JADE1: variants seen among roughly 807,000 people sequenced by gnomAD.
The protein encoded by JADE1 is jade family PHD finger 1.
JADE1 carries 14 observed loss-of-function variants against 81.8 expected under a neutral mutation model. That is an observed-to-expected ratio of 0.17 (90% CI 0.11 to 0.27). The LOEUF is 0.27. Among genes scored for constraint, JADE1 ranks in the 10% least tolerant of loss-of-function variants. The pLI is 1.00. For missense variants in JADE1, 690 were observed against 1,047.9 expected, an observed-to-expected ratio of 0.66 and a Z score of 4.71; for synonymous variants, 353 against 391.9, an observed-to-expected ratio of 0.90 and a Z score of 1.17.
intron 1 of JADE1, among the ~76,000 whole-genome samples, chr4:128,818,486 G>T (rs1215042523): frequency 6.6e-6 from 1 of 152,256 alleles, no homozygotes; most frequent in Admixed American, 6.5e-5. Flanking sequence ...TCGGTTGCTT[G>T]TCCAGCACCT....
At chr4:128,840,483 G>GCTTCT (rs559324601) in intron 2 of JADE1, among the ~76,000 whole-genome samples, 185 of 152,062 alleles carry the variant, frequency 1.2e-3, no homozygotes, top group Non-Finnish European at 2.3e-3. Context: ...TTTTTGTTCT[G>GCTTCT]CTTCTCTTCC....
rs1732292830 is a variant in JADE1 at position 128,872,834 on chromosome 4, A to G, written c.*572A>G. 4.5e-6 allele frequency: 2 copies of G among 449,286 alleles called. No individual in the cohort carries two copies. Among genetic ancestry groups the G allele is most frequent in the Non-Finnish European group, 9.0e-6 (2 of 222,538 alleles). The allele number at this position is 449,286 out of a possible 1,614,324, so 27.8% of individuals were successfully genotyped here. On this transcript the variant is annotated 3_prime_UTR_variant, in exon 11 of 11. Coordinates refer to ENST00000226319, the MANE Select transcript of JADE1 (RefSeq NM_199320.4). ...TGTGTAAATATAGCAGTCAGGGAAG[A>G]GAATTTTAAAAAAGGTCATTATTGA...
At chr4:128,844,426 A>G (rs181882230) in intron 3 of JADE1, among the ~76,000 whole-genome samples, 8 of 152,292 alleles carry the variant, frequency 5.3e-5, no homozygotes, top group Admixed American at 5.2e-4. Flanking sequence ...TCCAGAGTTG[A>G]CGTCCATTTG....
chr4:128,848,037 C>G (rs114161293), intron 4 of JADE1, among the ~76,000 whole-genome samples: 1 of 152,022 alleles, frequency 6.6e-6, no homozygotes, highest in East Asian at 1.9e-4. Flanking sequence ...TGTTAAAGGT[C>G]GGGAGAGATT....
intron 5 of JADE1, among the ~76,000 whole-genome samples, chr4:128,849,891 T>A (rs1437167184): frequency 6.6e-6 from 1 of 152,164 alleles, no homozygotes; most frequent in East Asian, 1.9e-4. Context: ...TGGAGTCAAG[T>A]CTGGGCTCAG....
chr4:128,861,664 A>C, intron 8 of JADE1, 40 bp from the exon 9 acceptor site: 1 of 1,598,342 alleles, frequency 6.3e-7, no homozygotes, highest in Non-Finnish European at 8.5e-7. Context: ...TCATTGCTCT[A>C]TAATGGTCTA....
At chr4:128,832,150 A>G (rs1362167663) in intron 2 of JADE1, among the ~76,000 whole-genome samples, 3 of 152,224 alleles carry the variant, frequency 2.0e-5, no homozygotes, top group Admixed American at 6.5e-5. Flanking sequence ...AATCAAAGCC[A>G]GGTAATCATT....
intron 9 of JADE1, chr4:128,863,484 T>G: frequency 6.1e-6 from 6 of 985,468 alleles, no homozygotes; most frequent in Non-Finnish European, 7.2e-6. Context: ...CTGTTAGAGA[T>G]GGCGTAGAAG....
chr4:128,862,298 A>G (rs766278417), intron 9 of JADE1, 73 bp downstream of exon 9: 30 of 1,591,640 alleles, frequency 1.9e-5, no homozygotes, highest in African/African-American at 2.7e-5. Flanking sequence ...CGCCCAGAGC[A>G]AGAAATGATA....
intron 8 of JADE1, among the ~76,000 whole-genome samples, chr4:128,859,560 T>C (rs11937309): frequency 0.75 from 113,700 of 151,606 alleles, 44,306 homozygotes; most frequent in South Asian, 0.91. Flanking sequence ...TATGTGTATG[T>C]GTGTGAGTAT....
intron 2 of JADE1, among the ~76,000 whole-genome samples, chr4:128,842,218 C>G (rs1177599992): frequency 6.6e-6 from 1 of 152,110 alleles, no homozygotes; most frequent in Non-Finnish European, 1.5e-5. Context: ...GTTTTTAGGC[C>G]TTGTAGAGTG....
intron 1 of JADE1, among the ~76,000 whole-genome samples, chr4:128,826,769 GAC>G (rs902734523): frequency 4.6e-5 from 7 of 152,134 alleles, no homozygotes; most frequent in African/African-American, 1.7e-4. Flanking sequence ...AATCTTTAGA[GAC>G]ACACACATGA....
Position 128,858,033 on chromosome 4 carries a change from A to T in JADE1, c.981+579A>T, listed in dbSNP as rs143926190. 3.9e-4 allele frequency among the ~76,000 whole-genome samples: 59 copies of T among 152,282 alleles called. 1 individual carries two copies. The highest frequency in any genetic ancestry group is 1.3e-3 in the African/African-American group (54 of 41,560). On this transcript the variant is annotated intron_variant, in intron 8 of 10. Transcript: ENST00000226319. ...GTGAGGAGTTCCTGTGTATGCTGTC[A>T]TCTCATTGGGGCATCATTTGGATGT...
At chr4:128,870,176 A>G (rs1732084203) in intron 10 of JADE1, among the ~76,000 whole-genome samples, 1 of 152,202 alleles carries the variant, frequency 6.6e-6, no homozygotes, top group Admixed American at 6.5e-5. Context: ...AAATATATGC[A>G]GTGTGATGTG....
In JADE1 at chr4:128,849,589, C is replaced by T. The variant is rs146028747; in HGVS notation, c.484+422C>T. On this transcript the variant is annotated intron_variant, in intron 5 of 10. Coordinates refer to ENST00000226319, the MANE Select transcript of JADE1 (RefSeq NM_199320.4). ...AATGAACACTCTTCCAGGCATGCTCCCCATTTCCAAGCACATCATGTGTGT... is the reference window on the plus strand; with the variant it reads ...AATGAACACTCTTCCAGGCATGCTCTCCATTTCCAAGCACATCATGTGTGT... Among the ~76,000 whole-genome samples, 235 of 152,322 alleles carry T rather than the reference C, an allele frequency of 1.5e-3. 3 individuals are homozygous for T. The highest frequency in any genetic ancestry group is 0.014 in the East Asian group (72 of 5,188).
chr4:128,854,101 T>G (rs1330473412), intron 6 of JADE1, among the ~76,000 whole-genome samples: 1 of 152,136 alleles, frequency 6.6e-6, no homozygotes, highest in East Asian at 1.9e-4. Context: ...CCATGAAAAA[T>G]TTTTTTGAGT....
chr4:128,848,891 G>A lies in JADE1; in HGVS notation c.297-89G>A, dbSNP rs1730100387. The A allele has an allele frequency of 3.9e-6, 5 of 1,284,040 alleles. No homozygotes were observed. In the African/African-American group the frequency reaches 4.5e-5, roughly 11 times the overall value. 79.5% of individuals were successfully genotyped at this position (1,284,040 alleles called of 1,614,324 possible). Reference sequence around the variant, plus strand: ...GTGATGACCTGGGGCTCTAAGGGTTGGAAGAGGAAGACATTTGGGGCCTTG... The same window carrying A: ...GTGATGACCTGGGGCTCTAAGGGTTAGAAGAGGAAGACATTTGGGGCCTTG... On this transcript the variant is annotated intron_variant, in intron 4 of 10. Coordinates refer to ENST00000226319, the MANE Select transcript of JADE1 (RefSeq NM_199320.4).
intron 6 of JADE1, among the ~76,000 whole-genome samples, chr4:128,854,053 C>T (rs1472252643): frequency 6.6e-6 from 1 of 152,172 alleles, no homozygotes; most frequent in Non-Finnish European, 1.5e-5. Flanking sequence ...TGGCTGACTT[C>T]TCAGTCTTTT....
chr4:128,868,330 C>A (rs965450711), intron 10 of JADE1, among the ~76,000 whole-genome samples: 2 of 152,198 alleles, frequency 1.3e-5, no homozygotes, highest in Admixed American at 6.5e-5. Context: ...ACTTGGTAAA[C>A]ACATCATGGG....
Sources: allele counts gnomAD v4.1 joint callset (sites outside exome capture counted in the v4.1 genomes callset), GRCh38; gene constraint gnomAD v4.1.1; transcripts MANE v1.5; gene names NCBI Gene and HGNC (gene_info 2026-07-23, HGNC 2026-07-21).